The following ZNF138 variants were observed in gnomAD, a reference collection of about 807,000 sequenced individuals.
ZNF138 encodes zinc finger protein 138 (clone pHZ-32).
In ZNF138, 33 loss-of-function variants were observed where a neutral mutation model predicts 33.0. The observed-to-expected ratio is 1.00, with a 90% CI of 0.76 to 1.34. The LOEUF (loss-of-function observed/expected upper bound fraction) is 1.34, where lower values mean the gene tolerates loss of function less well. ZNF138 is among the 40% of genes most tolerant of loss of function. The probability of loss-of-function intolerance (pLI) is 0.00; values close to 1 mark genes in which losing one functional copy is unlikely to be tolerated. For synonymous variants in ZNF138, 139 were observed against 120.4 expected, an observed-to-expected ratio of 1.15 and a Z score of -1.01; for missense variants, 360 against 370.8, an observed-to-expected ratio of 0.97 and a Z score of 0.24.
At chr7:64,829,317 G>T (rs907148632) in intron 3 of ZNF138, among the ~76,000 whole-genome samples, 8 of 151,078 alleles carry the variant, frequency 5.3e-5, no homozygotes, top group Non-Finnish European at 8.8e-5. Flanking sequence ...TAATTATATT[G>T]CTCTCTATGT....
In ZNF138 at chr7:64,832,124, T is replaced by TA; in HGVS notation, c.883dup (p.Thr295AsnfsTer2). 9.3e-6 allele frequency: 15 copies of TA among 1,612,972 alleles called. No homozygotes were observed. Among genetic ancestry groups the TA allele is most frequent in the Non-Finnish European group, 1.2e-5 (14 of 1,179,794 alleles). ...AGGTCTTTAAGCAGTCCCCAACCCTTACTAAACATCAGATAATTTATACTG... is the reference window on the plus strand; with the variant it reads ...AGGTCTTTAAGCAGTCCCCAACCCTTAACTAAACATCAGATAATTTATACTG... On this transcript the variant is annotated frameshift_variant, in exon 4 of 4. Transcript: ENST00000307355. LOFTEE classifies it high-confidence loss of function.
intron 1 of ZNF138, among the ~76,000 whole-genome samples, chr7:64,798,693 C>T (rs981605873): frequency 5.3e-5 from 8 of 151,294 alleles, no homozygotes; most frequent in East Asian, 2.0e-4. Flanking sequence ...ACAGGAGAAA[C>T]GCTTGAACCT....
chr7:64,846,172 G>A, the ZNF138 span, among the ~76,000 whole-genome samples: 2 of 152,164 alleles, frequency 1.3e-5, no homozygotes, highest in Non-Finnish European at 2.9e-5. Flanking sequence ...TGGCCTTATA[G>A]TACAGTTTGA....
chr7:64,852,952 T>G, the ZNF138 span: 3 of 1,306,584 alleles, frequency 2.3e-6, no homozygotes, highest in Non-Finnish European at 3.3e-6. Context: ...CTTTATCCAT[T>G]TCCCTGTTGG....
chr7:64,812,224 T>A (rs536802230), intron 1 of ZNF138, among the ~76,000 whole-genome samples: 1 of 152,118 alleles, frequency 6.6e-6, no homozygotes, highest in African/African-American at 2.4e-5. Context: ...AGTGGCATGA[T>A]CTTGGCTCAA....
At chr7:64,857,830 C>G in the ZNF138 span, among the ~76,000 whole-genome samples, 11 of 152,118 alleles carry the variant, frequency 7.2e-5, no homozygotes, top group Non-Finnish European at 1.2e-4. Flanking sequence ...TTCCTGGGAC[C>G]AGGTGGCCTG....
At chr7:64,845,167 A>G in the ZNF138 span, among the ~76,000 whole-genome samples, 1 of 152,230 alleles carries the variant, frequency 6.6e-6, no homozygotes, top group African/African-American at 2.4e-5. Context: ...CCAACTTATG[A>G]GTGAGAACAT....
the ZNF138 span, chr7:64,853,346 T>C: frequency 7.0e-5 from 110 of 1,564,574 alleles, no homozygotes; most frequent in Admixed American, 1.7e-3. Flanking sequence ...AGGACTCCCA[T>C]GTAGATATGG....
intron 3 of ZNF138, among the ~76,000 whole-genome samples, chr7:64,825,013 T>G (rs1452934987): frequency 1.3e-5 from 2 of 151,852 alleles, no homozygotes; most frequent in Admixed American, 1.3e-4. Flanking sequence ...GGCTAACTTT[T>G]GTATTTTAAT....
chr7:64,810,295 A>G (rs957597606), intron 1 of ZNF138, among the ~76,000 whole-genome samples: 3 of 150,008 alleles, frequency 2.0e-5, no homozygotes, highest in African/African-American at 4.9e-5. Context: ...GTCTCCACCA[A>G]AACCAGTCAG....
intron 1 of ZNF138, 21 bp from the exon 2 acceptor site, chr7:64,814,897 T>TTG (rs774461608): frequency 5.6e-6 from 9 of 1,608,342 alleles, no homozygotes; most frequent in Non-Finnish European, 6.8e-6. Flanking sequence ...GTGTGTGTGT[T>TTG]TGTGTGTGCG....
At chr7:64,855,420 C>A in the ZNF138 span, among the ~76,000 whole-genome samples, 1 of 151,006 alleles carries the variant, frequency 6.6e-6, no homozygotes, top group Non-Finnish European at 1.5e-5. Context: ...GAGATAAAGT[C>A]TTCTTAGTTA....
downstream of ZNF138, among the ~76,000 whole-genome samples, chr7:64,837,777 C>T (rs907513085): frequency 5.3e-5 from 8 of 152,070 alleles, no homozygotes; most frequent in East Asian, 1.9e-4. Flanking sequence ...GTTATCTGTT[C>T]GATGAGGGTT....
chr7:64,817,640 G>A (rs992530544), intron 3 of ZNF138, among the ~76,000 whole-genome samples: 2 of 152,054 alleles, frequency 1.3e-5, no homozygotes, highest in East Asian at 1.9e-4. Context: ...ATGATGCCTC[G>A]CTCTCTGATA....
At chr7:64,807,730 C>A (rs539995764) in intron 1 of ZNF138, among the ~76,000 whole-genome samples, 1 of 152,248 alleles carries the variant, frequency 6.6e-6, no homozygotes, top group South Asian at 2.1e-4. Flanking sequence ...ATCTTAAAGC[C>A]CCGCTTTGGG....
intron 1 of ZNF138, among the ~76,000 whole-genome samples, chr7:64,807,120 C>T (rs368531124): frequency 6.6e-6 from 1 of 152,242 alleles, no homozygotes; most frequent in African/African-American, 2.4e-5. Flanking sequence ...CCAAACCCAT[C>T]CTTAATCTGA....
intron 1 of ZNF138, among the ~76,000 whole-genome samples, chr7:64,797,589 A>T (rs1321661991): frequency 6.6e-6 from 1 of 152,110 alleles, no homozygotes; most frequent in Non-Finnish European, 1.5e-5. Context: ...TGCTCACCCC[A>T]GCCATGGAAG....
chr7:64,831,053 C>T, intron 3 of ZNF138: 1 of 1,551,724 alleles, frequency 6.4e-7, no homozygotes, highest in African/African-American at 1.4e-5. Flanking sequence ...TCTGCAAAAG[C>T]ACCTAGAAGC....
chr7:64,836,152 G>T (rs1790359958), downstream of ZNF138: 1 of 152,168 alleles, frequency 6.6e-6, no homozygotes, highest in Non-Finnish European at 1.5e-5. Flanking sequence ...CTTGTGTCTT[G>T]TAGGGTCTGA....
Sources: allele counts gnomAD v4.1 joint callset (sites outside exome capture counted in the v4.1 genomes callset), GRCh38; gene constraint gnomAD v4.1.1; transcripts MANE v1.5; gene names NCBI Gene and HGNC (gene_info 2026-07-23, HGNC 2026-07-21).